Variants in MCM9 observed in about 807,000 individuals in gnomAD.
MCM9 encodes minichromosome maintenance 9 homologous recombination repair factor, also known as DNA helicase MCM9.
MCM9 carries 55 observed loss-of-function variants against 72.8 expected under a neutral mutation model. The observed-to-expected ratio is 0.76, with a 90% CI of 0.61 to 0.95. MCM9 has a LOEUF of 0.95. MCM9 is among the 40% of genes least tolerant of loss of function. The pLI is 0.00. For synonymous variants in MCM9, 480 were observed against 503.4 expected (o/e 0.95, Z 0.62); for missense variants, 1,279 against 1,377.0 (o/e 0.93, Z 1.13).
chr6:118,841,232 A>G (rs1445026187), intron 9 of MCM9, among the ~76,000 whole-genome samples: 1 of 152,170 alleles, frequency 6.6e-6, no homozygotes, highest in Non-Finnish European at 1.5e-5. Flanking sequence ...TTGAACTTAT[A>G]TTTTTCACAT....
intron 8 of MCM9, chr6:118,907,255 T>A (rs1278746662): frequency 1.6e-6 from 1 of 608,714 alleles, no homozygotes; most frequent in Non-Finnish European, 2.9e-6. Flanking sequence ...TTAGTTATAT[T>A]TAAGGTACTT....
intron 9 of MCM9, among the ~76,000 whole-genome samples, chr6:118,855,535 C>T (rs1430008026): frequency 2.0e-5 from 3 of 152,136 alleles, no homozygotes; most frequent in African/African-American, 7.2e-5. Context: ...CTCTACCTCA[C>T]TCCTCCATTA....
At chr6:118,835,511 C>G (rs1774894707) in intron 9 of MCM9, among the ~76,000 whole-genome samples, 1 of 152,084 alleles carries the variant, frequency 6.6e-6, no homozygotes, top group South Asian at 2.1e-4. Flanking sequence ...TTGTTTCTGT[C>G]CTCTCTTATT....
At chr6:118,832,647 C>T (rs1774649155) in intron 9 of MCM9, among the ~76,000 whole-genome samples, 1 of 152,220 alleles carries the variant, frequency 6.6e-6, no homozygotes, top group Non-Finnish European at 1.5e-5. Flanking sequence ...TTAATGCACA[C>T]ATTTAAACGT....
chr6:118,851,909 T>C (rs1776248708), intron 9 of MCM9, among the ~76,000 whole-genome samples: 1 of 152,210 alleles, frequency 6.6e-6, no homozygotes, highest in Admixed American at 6.5e-5. Flanking sequence ...ATACTCAAAG[T>C]ACTTCTCAGG....
intron 13 of MCM9, 43 bp from the exon 14 acceptor site, chr6:118,816,337 A>G: frequency 1.4e-6 from 2 of 1,452,348 alleles, no homozygotes; most frequent in Non-Finnish European, 1.8e-6. Flanking sequence ...TGAAGGGAAG[A>G]GAATTTGTGC....
chr6:118,818,675 G>A (rs1773577971), intron 13 of MCM9, among the ~76,000 whole-genome samples: 1 of 152,146 alleles, frequency 6.6e-6, no homozygotes, highest in Non-Finnish European at 1.5e-5. Context: ...AAAGTCAACG[G>A]TAGCTTGATG....
At position 118,815,440 on chromosome 6, in the gene MCM9, C is replaced by T; in HGVS notation, c.2816G>A (p.Ser939Asn). ...TTTAGTTGCACCAGGTGACACATGG[C>T]TGTGATCTTCAAAGGAGTGGATCAG... ...SKLIHSFEDH[S>N]HVSPGATKIA... The change falls in exon 14 of 14, where the codon AGC becomes AAC. Residue 939 changes from serine (S) to asparagine (N), a missense_variant. Physicochemically the swap from Ser to Asn is conservative, Grantham distance 46. Coordinates refer to ENST00000619706, the MANE Select transcript of MCM9 (RefSeq NM_017696.3). 6.4e-7 allele frequency: 1 copy of T among 1,550,454 alleles called. No individual in the cohort carries two copies. The highest frequency in any genetic ancestry group is 1.2e-5 in the South Asian group (1 of 84,032).
intron 3 of MCM9, among the ~76,000 whole-genome samples, chr6:118,926,729 C>T (rs1781924711): frequency 6.6e-6 from 1 of 152,168 alleles, no homozygotes; most frequent in Non-Finnish European, 1.5e-5. Flanking sequence ...ATGAATAATG[C>T]AACTACAAAC....
chr6:118,913,907 C>T (rs1489446203), intron 6 of MCM9, among the ~76,000 whole-genome samples: 2 of 152,062 alleles, frequency 1.3e-5, no homozygotes, highest in South Asian at 2.1e-4. Flanking sequence ...TATGAGCCAC[C>T]GTATGTACTT....
chr6:118,925,503 C>T (rs1781818635), intron 3 of MCM9, among the ~76,000 whole-genome samples: 1 of 152,132 alleles, frequency 6.6e-6, no homozygotes, highest in South Asian at 2.1e-4. Context: ...AGGTGCCAGG[C>T]TATGTTAACC....
chr6:118,921,989 A>G lies in MCM9; in HGVS notation c.703+16T>C. On this transcript the variant is annotated intron_variant, in intron 5 of 13. Transcript: ENST00000619706. ...GACTACCTACACAAGCTAAAAAAAA[A>G]TTCCCCTCTTCTTACCAGATTTGCA... 6.3e-7 allele frequency: 1 copy of G among 1,599,338 alleles called. No individual in the cohort carries two copies.
intron 8 of MCM9, among the ~76,000 whole-genome samples, chr6:118,902,528 C>CTTTTTTTTT (rs33980013): frequency 7.6e-6 from 1 of 131,526 alleles, no homozygotes; most frequent in African/African-American, 2.8e-5. Context: ...ACTGATAATA[C>CTTTTTTTTT]TTTTTTTTTT....
At position 118,917,715 on chromosome 6, in the gene MCM9, G is replaced by C. The variant is rs115772624; in HGVS notation, c.750C>G (p.Pro250=). 7 of 1,614,052 alleles carry C rather than the reference G, an allele frequency of 4.3e-6. No individual in the cohort carries two copies. The East Asian group carries it at 1.1e-4, about 26-fold the overall frequency. Residue 250 remains proline, a synonymous_variant, in exon 6 of 14, where the codon CCC becomes CCG. Coordinates refer to ENST00000619706, the MANE Select transcript of MCM9 (RefSeq NM_017696.3). ...IYGIVMQRWK[P]FQQDVRCEVE... ...CTTCACAGCGCACATCTTGCTGAAA[G>C]GGCTTCCACCGTTGCATTACAATCC...
At chr6:118,833,711 C>T (rs1465586888) in intron 9 of MCM9, among the ~76,000 whole-genome samples, 3 of 152,014 alleles carry the variant, frequency 2.0e-5, no homozygotes, top group East Asian at 3.9e-4. Flanking sequence ...TTCCACTTAC[C>T]TGTGAAATAC....
chr6:118,933,131 G>A (rs1249009906), intron 1 of MCM9, among the ~76,000 whole-genome samples: 1 of 152,136 alleles, frequency 6.6e-6, no homozygotes, highest in Non-Finnish European at 1.5e-5. Context: ...CAAAGGAGAG[G>A]GAGGTTAAAT....
intron 9 of MCM9, among the ~76,000 whole-genome samples, chr6:118,844,394 TAG>T (rs1301966933): frequency 1.3e-5 from 2 of 151,700 alleles, no homozygotes; most frequent in African/African-American, 4.9e-5. Flanking sequence ...GTGGAACTTT[TAG>T]AGTGTTTTCA....
intron 10 of MCM9, 145 bp from the exon 11 acceptor site, chr6:118,828,275 C>T (rs1479131557): frequency 3.1e-6 from 2 of 649,778 alleles, no homozygotes; most frequent in Non-Finnish European, 5.3e-6. Context: ...GTCTGCATAG[C>T]ATACAATCAG....
chr6:118,863,627 A>G (rs1337860641), intron 8 of MCM9, among the ~76,000 whole-genome samples: 1 of 152,210 alleles, frequency 6.6e-6, no homozygotes, highest in African/African-American at 2.4e-5. Flanking sequence ...CAACTATGGT[A>G]TTTGAGAGGT....
Sources: gnomAD v4.1 joint callset for allele counts (sites outside exome capture counted in the v4.1 genomes callset) on GRCh38, gnomAD v4.1.1 for gene constraint, MANE v1.5 for transcripts, NCBI Gene and HGNC (gene_info 2026-07-23, HGNC 2026-07-21) for gene names.